PDE4B: variants seen among roughly 807,000 people sequenced by gnomAD.
PDE4B encodes the protein phosphodiesterase 4B.
Under a neutral mutation model 82.2 loss-of-function variants are expected in PDE4B, and 20 were observed. That is an observed-to-expected ratio of 0.24 (90% CI 0.17 to 0.35). The LOEUF is 0.35. Among genes scored for constraint, PDE4B ranks in the 10% least tolerant of loss-of-function variants. PDE4B has a pLI of 1.00. For missense variants in PDE4B, 655 were observed against 907.2 expected (o/e 0.72, Z 3.57); for synonymous variants, 320 against 318.9 (o/e 1.00, Z -0.04).
At chr1:65,882,411 T>C (rs577393796) in intron 1 of PDE4B, among the ~76,000 whole-genome samples, 1 of 152,324 alleles carries the variant, frequency 6.6e-6, no homozygotes, top group South Asian at 2.1e-4. Flanking sequence ...TGTTACTTAT[T>C]ATAATACCTA....
At chr1:65,895,549 CAAAAAA>C (rs10605148) in intron 1 of PDE4B, among the ~76,000 whole-genome samples, 1 of 91,998 alleles carries the variant, frequency 1.1e-5, no homozygotes. Flanking sequence ...GACACTGTCT[CAAAAAA>C]AAAAAAAAAA....
chr1:65,966,109 T>C (rs1386165046), intron 3 of PDE4B, among the ~76,000 whole-genome samples: 1 of 152,146 alleles, frequency 6.6e-6, no homozygotes. Context: ...AGTCAAATTG[T>C]CTCTGTCTGC....
intron 3 of PDE4B, among the ~76,000 whole-genome samples, chr1:66,238,403 G>A (rs1652631059): frequency 6.6e-6 from 1 of 152,120 alleles, no homozygotes; most frequent in Admixed American, 6.6e-5. Flanking sequence ...CAAGGAGTTT[G>A]GATTTTATCC....
chr1:66,126,529 A>G (rs576205715), intron 3 of PDE4B, among the ~76,000 whole-genome samples: 1 of 152,332 alleles, frequency 6.6e-6, no homozygotes, highest in Admixed American at 6.5e-5. Flanking sequence ...GAAAACCTAG[A>G]ACAAAAAGTA....
chr1:65,877,117 C>T (rs1008282403), intron 1 of PDE4B, among the ~76,000 whole-genome samples: 3 of 152,080 alleles, frequency 2.0e-5, no homozygotes, highest in South Asian at 2.1e-4. Flanking sequence ...GCAAAAAGAA[C>T]AGCTGGAGGC....
chr1:66,028,582 A>G (rs1031839102), intron 3 of PDE4B, among the ~76,000 whole-genome samples: 1 of 152,234 alleles, frequency 6.6e-6, no homozygotes, highest in Non-Finnish European at 1.5e-5. Flanking sequence ...CAAATTTTCC[A>G]AACTTTTATG....
chr1:66,167,882 T>G (rs1262800300), intron 3 of PDE4B, among the ~76,000 whole-genome samples: 1 of 152,200 alleles, frequency 6.6e-6, no homozygotes, highest in Non-Finnish European at 1.5e-5. Context: ...AATACTTTAG[T>G]AGCATTCTCA....
intron 3 of PDE4B, among the ~76,000 whole-genome samples, chr1:65,947,393 C>T: frequency 6.6e-6 from 1 of 152,062 alleles, no homozygotes; most frequent in East Asian, 1.9e-4. Context: ...TTAAATAGGA[C>T]CCCATTAGGG....
chr1:66,097,102 A>G (rs764419933), intron 3 of PDE4B, among the ~76,000 whole-genome samples: 2 of 152,052 alleles, frequency 1.3e-5, no homozygotes, highest in Admixed American at 6.6e-5. Flanking sequence ...TTTCATTTCT[A>G]CTGGATAAAT....
intron 3 of PDE4B, among the ~76,000 whole-genome samples, chr1:65,933,528 A>G (rs1368222193): frequency 6.6e-6 from 1 of 152,198 alleles, no homozygotes; most frequent in Non-Finnish European, 1.5e-5. Flanking sequence ...CCCCATCTCT[A>G]CTAAAGATAC....
intron 3 of PDE4B, among the ~76,000 whole-genome samples, chr1:66,087,948 G>A (rs1340763022): frequency 6.6e-6 from 1 of 151,514 alleles, no homozygotes; most frequent in Non-Finnish European, 1.5e-5. Context: ...CAGCACACCA[G>A]CATGGCACAT....
At chr1:66,079,402 A>G (rs1258358151) in intron 3 of PDE4B, among the ~76,000 whole-genome samples, 4 of 152,042 alleles carry the variant, frequency 2.6e-5, no homozygotes, top group Non-Finnish European at 5.9e-5. Context: ...GTCATTTTGT[A>G]TATCTGGCAG....
intron 16 of PDE4B, 142 bp downstream of exon 16, chr1:66,369,111 C>T (rs1004983938): frequency 8.1e-6 from 5 of 617,306 alleles, no homozygotes; most frequent in African/African-American, 7.5e-5. Flanking sequence ...CCATTATAGT[C>T]AGGACTCATG....
At chr1:65,859,713 A>G (rs1303914084) in intron 1 of PDE4B, among the ~76,000 whole-genome samples, 1 of 152,206 alleles carries the variant, frequency 6.6e-6, no homozygotes, top group Non-Finnish European at 1.5e-5. Flanking sequence ...ACAATGTACA[A>G]ATACTGTAGA....
chr1:66,185,651 GTC>G (rs1389209099), intron 3 of PDE4B, among the ~76,000 whole-genome samples: 1 of 152,318 alleles, frequency 6.6e-6, no homozygotes, highest in East Asian at 1.9e-4. Context: ...TTTGAGAAGT[GTC>G]TGTTATCTTC....
At chr1:66,279,960 T>C (rs1656177140) in intron 7 of PDE4B, among the ~76,000 whole-genome samples, 1 of 152,116 alleles carries the variant, frequency 6.6e-6, no homozygotes. Flanking sequence ...TAGATCAATA[T>C]TGATTAAATA....
At chr1:65,990,217 GA>G (rs1266922606) in intron 3 of PDE4B, among the ~76,000 whole-genome samples, 1 of 152,110 alleles carries the variant, frequency 6.6e-6, no homozygotes, top group Non-Finnish European at 1.5e-5. Flanking sequence ...ATAATAATTG[GA>G]AAGTAATTAT....
intron 3 of PDE4B, among the ~76,000 whole-genome samples, chr1:66,043,055 A>C (rs542798186): frequency 2.0e-5 from 3 of 151,698 alleles, no homozygotes; most frequent in African/African-American, 7.2e-5. Context: ...AAGGCTATGA[A>C]TCCAGCTTTA....
intron 3 of PDE4B, among the ~76,000 whole-genome samples, chr1:66,039,642 T>G (rs1250996802): frequency 6.6e-6 from 1 of 152,036 alleles, no homozygotes; most frequent in Non-Finnish European, 1.5e-5. Flanking sequence ...TGAAGCGAGA[T>G]AAACATGGAT....
Sources: allele counts gnomAD v4.1 joint callset (sites outside exome capture counted in the v4.1 genomes callset), GRCh38; gene constraint gnomAD v4.1.1; transcripts MANE v1.5; gene names NCBI Gene and HGNC (gene_info 2026-07-23, HGNC 2026-07-21).